Variants in THSD7B observed in about 807,000 individuals in gnomAD.
THSD7B encodes thrombospondin type 1 domain containing 7B, also known as thrombospondin type-1 domain-containing protein 7B.
THSD7B carries 138 observed loss-of-function variants against 213.6 expected under a neutral mutation model. The observed-to-expected ratio is 0.65, with a 90% CI of 0.56 to 0.74. THSD7B has a LOEUF of 0.74. THSD7B is among the 30% of genes least tolerant of loss of function. The pLI is 0.00. For missense variants in THSD7B, 1,931 were observed against 1,991.5 expected (o/e 0.97, Z 0.58); for synonymous variants, 742 against 687.0 (o/e 1.08, Z -1.25).
At chr2:137,646,270 G>C (rs1683029168) in intron 21 of THSD7B, among the ~76,000 whole-genome samples, 1 of 152,064 alleles carries the variant, frequency 6.6e-6, no homozygotes, top group East Asian at 1.9e-4. Context: ...TTATAAAAGA[G>C]GCCTGAAGGA....
At chr2:136,907,315 A>G (rs1252268200) in intron 2 of THSD7B, among the ~76,000 whole-genome samples, 1 of 152,196 alleles carries the variant, frequency 6.6e-6, no homozygotes, top group South Asian at 2.1e-4. Context: ...TTTTTTATTA[A>G]AATGGGCAGA....
chr2:136,915,604 A>C (rs535749606), intron 2 of THSD7B, among the ~76,000 whole-genome samples: 1 of 152,236 alleles, frequency 6.6e-6, no homozygotes, highest in African/African-American at 2.4e-5. Flanking sequence ...CAATTGTTTT[A>C]TATTATTTTA....
chr2:136,842,021 A>G (rs1178562958), intron 1 of THSD7B, among the ~76,000 whole-genome samples: 1 of 152,214 alleles, frequency 6.6e-6, no homozygotes, highest in East Asian at 1.9e-4. Context: ...TGTGTATGGA[A>G]TGTCATACCT....
intron 20 of THSD7B, among the ~76,000 whole-genome samples, chr2:137,632,268 G>A (rs1398711053): frequency 1.3e-5 from 2 of 152,136 alleles, no homozygotes; most frequent in African/African-American, 2.4e-5. Flanking sequence ...AACACAAAAG[G>A]CAGTGAAATA....
chr2:136,984,113 G>A (rs1685631581), intron 2 of THSD7B, among the ~76,000 whole-genome samples: 1 of 152,222 alleles, frequency 6.6e-6, no homozygotes, highest in Non-Finnish European at 1.5e-5. Context: ...AGGGAAGTCT[G>A]TGATGAATTA....
At chr2:136,994,786 T>C (rs910630022) in intron 2 of THSD7B, among the ~76,000 whole-genome samples, 2 of 152,214 alleles carry the variant, frequency 1.3e-5, no homozygotes, top group African/African-American at 4.8e-5. Flanking sequence ...AACATTCAAA[T>C]ACAGATTACC....
chr2:137,213,548 A>G (rs929673696), intron 7 of THSD7B, among the ~76,000 whole-genome samples: 2 of 150,048 alleles, frequency 1.3e-5, no homozygotes, highest in South Asian at 4.2e-4. Flanking sequence ...TGGTATATGT[A>G]ATTTATATAT....
intron 1 of THSD7B, among the ~76,000 whole-genome samples, chr2:136,844,490 G>GAGAC (rs1553452622): frequency 6.7e-5 from 10 of 149,486 alleles, no homozygotes; most frequent in African/African-American, 2.5e-4. Context: ...GAGAGAGAGA[G>GAGAC]AGAGACAGAG....
At chr2:136,821,407 G>A (rs1348633882) in intron 1 of THSD7B, among the ~76,000 whole-genome samples, 1 of 152,070 alleles carries the variant, frequency 6.6e-6, no homozygotes, top group African/African-American at 2.4e-5. Context: ...GAACTCCCTG[G>A]GCCTGACTCC....
intron 2 of THSD7B, among the ~76,000 whole-genome samples, chr2:137,012,508 AG>A: frequency 6.6e-6 from 1 of 152,340 alleles, no homozygotes; most frequent in South Asian, 2.1e-4. Context: ...TAACTCTCGA[AG>A]GGAAGTTTAA....
intron 15 of THSD7B, among the ~76,000 whole-genome samples, chr2:137,478,796 A>G (rs113560999): frequency 0.021 from 3,134 of 152,292 alleles, 107 homozygotes; most frequent in African/African-American, 0.071. Context: ...GGTGCATAGT[A>G]TAGTTTTCAT....
At chr2:137,407,799 G>A (rs1312452277) in intron 13 of THSD7B, among the ~76,000 whole-genome samples, 1 of 151,946 alleles carries the variant, frequency 6.6e-6, no homozygotes, top group South Asian at 2.1e-4. Context: ...TGAGCGTTCT[G>A]TATGTTGTAC....
At chr2:136,974,010 C>G (rs1188654967) in intron 2 of THSD7B, among the ~76,000 whole-genome samples, 6 of 152,102 alleles carry the variant, frequency 3.9e-5, no homozygotes, top group Non-Finnish European at 2.9e-5. Flanking sequence ...CAATTATGCT[C>G]TTTTTCTCAT....
At chr2:137,179,083 A>G (rs1371101542) in intron 7 of THSD7B, among the ~76,000 whole-genome samples, 1 of 152,102 alleles carries the variant, frequency 6.6e-6, no homozygotes, top group East Asian at 1.9e-4. Flanking sequence ...TTCCCATTCT[A>G]TATGATTCAA....
intron 14 of THSD7B, among the ~76,000 whole-genome samples, chr2:137,412,684 A>C (rs973292519): frequency 6.6e-6 from 1 of 151,602 alleles, no homozygotes; most frequent in Non-Finnish European, 1.5e-5. Context: ...AACTATAGGA[A>C]AAAAACAAGA....
intron 12 of THSD7B, among the ~76,000 whole-genome samples, chr2:137,366,656 A>G (rs1240223553): frequency 6.6e-6 from 1 of 152,092 alleles, no homozygotes; most frequent in African/African-American, 2.4e-5. Flanking sequence ...AAACTAGTCC[A>G]CTGATATTCC....
intron 2 of THSD7B, among the ~76,000 whole-genome samples, chr2:136,904,628 A>T (rs908404474): frequency 6.6e-6 from 1 of 152,150 alleles, no homozygotes; most frequent in Non-Finnish European, 1.5e-5. Flanking sequence ...CCATGTCAGA[A>T]CACTCAGGGG....
chr2:137,397,101 G>T (rs1686212341), intron 12 of THSD7B, among the ~76,000 whole-genome samples: 1 of 148,576 alleles, frequency 6.7e-6, no homozygotes, highest in Non-Finnish European at 1.5e-5. Flanking sequence ...ACACTGATGG[G>T]TCTTGACTCT....
rs181275800 is a variant in THSD7B at position 136,950,786 on chromosome 2, A to G, written c.139+68469A>G. Among the ~76,000 whole-genome samples the G allele has an allele frequency of 1.7e-4, 26 of 152,324 alleles. No homozygotes were observed. The East Asian group carries it at 2.3e-3, about 14-fold the overall frequency. The stretch of plus-strand genomic sequence containing the variant: ...ACTACTATTTTGCACGATCCCATCA[A>G]TAATTTTTACATTTCGTTTCAGGGA... On this transcript the variant is annotated intron_variant, in intron 2 of 27. Transcript: ENST00000409968.
Sources: allele counts gnomAD v4.1 joint callset (sites outside exome capture counted in the v4.1 genomes callset), GRCh38; gene constraint gnomAD v4.1.1; transcripts MANE v1.5; gene names NCBI Gene and HGNC (gene_info 2026-07-23, HGNC 2026-07-21).